PRDM10: variants seen among roughly 807,000 people sequenced by gnomAD.
PRDM10 encodes PR domain zinc finger protein 10.
Under a neutral mutation model 133.1 loss-of-function variants are expected in PRDM10, and 65 were observed. The observed-to-expected ratio is 0.49, with a 90% CI of 0.40 to 0.60. The LOEUF (loss-of-function observed/expected upper bound fraction) is 0.60. Among genes scored for constraint, PRDM10 ranks in the 20% least tolerant of loss-of-function variants. The pLI, the probability that PRDM10 is intolerant of heterozygous loss-of-function variation, is 0.00. For synonymous variants in PRDM10, 582 were observed against 580.4 expected (o/e 1.00, Z -0.04); for missense variants, 1,137 against 1,507.1 (o/e 0.75, Z 4.07).
Position 129,945,684 on chromosome 11 carries a change from G to A in PRDM10, c.521-672C>T, listed in dbSNP as rs1329911284. ...GGCCACACGCCCTGCCTCTTTGCCA[G>A]GAGCACCCACCTGTAAGCTAACCGC... On this transcript the variant is annotated intron_variant, in intron 5 of 20. Transcript: ENST00000360871. This position sits in a 1 kb window ranked among gnomAD's most constrained non-coding sequence, Gnocchi z 4.2. 2.6e-5 allele frequency among the ~76,000 whole-genome samples: 4 copies of A among 152,266 alleles called. No individual in the cohort carries two copies. The highest frequency in any genetic ancestry group is 2.1e-4 in the South Asian group (1 of 4,826).
chr11:129,956,854 T>C (rs1451248675), intron 3 of PRDM10, among the ~76,000 whole-genome samples: 1 of 152,182 alleles, frequency 6.6e-6, no homozygotes, highest in East Asian at 1.9e-4. Flanking sequence ...ACTATAAAAG[T>C]ATGGAATTTA....
chr11:129,947,064 C>G lies in PRDM10; in HGVS notation c.520+81G>C. The G allele has an allele frequency of 1.3e-6, 2 of 1,550,958 alleles. No individual in the cohort carries two copies. Among genetic ancestry groups the G allele is most frequent in the Non-Finnish European group, 1.7e-6 (2 of 1,143,552 alleles). On this transcript the variant is annotated intron_variant, in intron 5 of 20. Transcript: ENST00000360871. This position sits in a 1 kb window ranked among gnomAD's most constrained non-coding sequence, Gnocchi z 4.6. ...CACGGAAGGACCTGACGCACGGGAG[C>G]TATGTTCACACACACGCACACGTAC...
rs569985335 is a variant in PRDM10, at chr11:129,921,673, A to C, written c.2034+1575T>G. ...TGCTGGGTCAACTTGGCTAAGGGGA[A>C]CTACATTTGAAGGGAGTCTTCTTCC... On this transcript the variant is annotated intron_variant, in intron 13 of 20. Coordinates refer to ENST00000360871, the MANE Select transcript of PRDM10 (RefSeq NM_199437.2). Among the ~76,000 whole-genome samples the C allele has an allele frequency of 1.4e-4, 21 of 152,346 alleles. No individual in the cohort carries two copies. The East Asian group carries it at 3.9e-3, about 28-fold the overall frequency.
intron 10 of PRDM10, 73 bp downstream of exon 10, chr11:129,932,029 T>C (rs940563721): frequency 6.5e-6 from 10 of 1,527,500 alleles, no homozygotes; most frequent in Non-Finnish European, 6.2e-6. Flanking sequence ...GTCTTTGTAC[T>C]TAGGTCTCGT....
chr11:129,937,173 C>T (rs1016061076), intron 8 of PRDM10, among the ~76,000 whole-genome samples: 2 of 152,206 alleles, frequency 1.3e-5, no homozygotes, highest in African/African-American at 4.8e-5. Flanking sequence ...GTTTCTTGAT[C>T]TGGGTGCAGG....
chr11:129,918,471 G>A lies in PRDM10; in HGVS notation c.2214+68C>T, dbSNP rs952073038. The A allele has an allele frequency of 3.3e-5, 50 of 1,526,862 alleles. No homozygotes were observed. The highest frequency in any genetic ancestry group is 4.3e-5 in the Non-Finnish European group (48 of 1,128,212). 94.6% of individuals were successfully genotyped at this position (1,526,862 alleles called of 1,614,324 possible). On this transcript the variant is annotated intron_variant, in intron 14 of 20. Transcript: ENST00000360871. This position sits in a 1 kb window ranked among gnomAD's most constrained non-coding sequence, Gnocchi z 5.3. ...ACTTAGGACACAATGCAACACAAAC[G>A]TCACCATCATCGACAGCAATGAGGT... is the stretch of plus-strand genomic sequence containing the variant.
Position 129,918,287 on chromosome 11 carries a change from T to TAA in PRDM10, c.2214+250_2214+251dup, listed in dbSNP as rs34931476. Among the ~76,000 whole-genome samples the TAA allele has an allele frequency of 4.6e-5, 6 of 131,328 alleles. No homozygotes were observed. Among genetic ancestry groups the TAA allele is most frequent in the Admixed American group, 1.5e-4 (2 of 13,180 alleles). 86.2% of individuals were successfully genotyped at this position (131,328 alleles called of 152,430 possible). A position where few individuals can be genotyped will look rare whatever the true frequency, so the allele number is the denominator to read the frequency against. On this transcript the variant is annotated intron_variant, in intron 14 of 20. Coordinates refer to ENST00000360871, the MANE Select transcript of PRDM10 (RefSeq NM_199437.2). This position sits in a 1 kb window ranked among gnomAD's most constrained non-coding sequence, Gnocchi z 5.3. ...AACAAAAGTAGTAATGAAAAGTGAT[T>TAA]AAAAAAAAAAAAAGAAAAAGAAAAA... is the stretch of plus-strand genomic sequence containing the variant.
In PRDM10 at chr11:129,925,022, C is replaced by G; in HGVS notation, c.1738G>C (p.Asp580His). The change falls in exon 12 of 21, where the codon GAC becomes CAC. Residue 580 changes from aspartate (D) to histidine (H), a missense_variant. Transcript: ENST00000360871. ...SLESHMKLHS[D>H]QKTYSCIFCP... ...AAAATGCAAGAGTAAGTCTTCTGGTCTGAGTGGAGCTTCATGTGGCTCTCC... is the reference window on the plus strand; with the variant it reads ...AAAATGCAAGAGTAAGTCTTCTGGTGTGAGTGGAGCTTCATGTGGCTCTCC... 3.1e-6 allele frequency: 5 copies of G among 1,614,180 alleles called. No homozygotes were observed. The highest frequency in any genetic ancestry group is 4.2e-6 in the Non-Finnish European group (5 of 1,180,032).
intron 1 of PRDM10, among the ~76,000 whole-genome samples, chr11:129,980,840 C>G (rs1591689216): frequency 6.9e-6 from 1 of 144,158 alleles, no homozygotes; most frequent in South Asian, 2.2e-4. Flanking sequence ...GGAGAGATAG[C>G]TAAAGGGTAT....
At chr11:129,941,356 G>C (rs1951198280) in intron 7 of PRDM10, among the ~76,000 whole-genome samples, 1 of 152,022 alleles carries the variant, frequency 6.6e-6, no homozygotes. Context: ...ATGTCATCAA[G>C]AATTATTATT....
rs1365041829 is a variant in PRDM10, at chr11:129,931,070, C to A, written c.1476G>T (p.Val492=). Residue 492 remains valine (V), a synonymous_variant, in exon 11 of 21, where the codon GTG becomes GTT. Coordinates refer to ENST00000360871, the MANE Select transcript of PRDM10 (RefSeq NM_199437.2). ...HLQPQHEESV[V]PTQSTLTADD... is the part of the protein sequence containing the mutation. ...CGGCTGTCAGCGTGCTCTGGGTGGGCACCACGCTCTCTTCATGCTGCGGCT... is the reference window on the plus strand; with the variant it reads ...CGGCTGTCAGCGTGCTCTGGGTGGGAACCACGCTCTCTTCATGCTGCGGCT... 6.2e-7 allele frequency: 1 copy of A among 1,614,080 alleles called. No homozygotes were observed. The highest frequency in any genetic ancestry group is 8.5e-7 in the Non-Finnish European group (1 of 1,180,048).
intron 1 of PRDM10, among the ~76,000 whole-genome samples, chr11:129,993,641 C>T (rs1271450535): frequency 2.0e-5 from 3 of 152,094 alleles, no homozygotes; most frequent in Admixed American, 1.3e-4. Context: ...CCCGCCACCA[C>T]ACCTGGCTAA....
At chr11:129,977,291 CACACACACAT>C (rs1937819393) in intron 1 of PRDM10, among the ~76,000 whole-genome samples, 1 of 149,442 alleles carries the variant, frequency 6.7e-6, no homozygotes, top group East Asian at 1.9e-4. Context: ...CACACACACA[CACACACACAT>C]TGAGATGCAG....
chr11:129,958,414 G>A (rs536547953), intron 2 of PRDM10, among the ~76,000 whole-genome samples: 4 of 152,158 alleles, frequency 2.6e-5, no homozygotes, highest in Non-Finnish European at 5.9e-5. Context: ...GGCCGAGGCA[G>A]GTGGATTACC....
intron 11 of PRDM10, among the ~76,000 whole-genome samples, chr11:129,930,528 C>T (rs975500625): frequency 6.6e-6 from 1 of 152,166 alleles, no homozygotes; most frequent in African/African-American, 2.4e-5. Flanking sequence ...GGTGTGTGAA[C>T]TGTACCTGCC....
chr11:129,962,535 C>T (rs1284469220), intron 1 of PRDM10, among the ~76,000 whole-genome samples: 1 of 152,182 alleles, frequency 6.6e-6, no homozygotes, highest in African/African-American at 2.4e-5. Flanking sequence ...TGAAAGAATG[C>T]CACGTCCACC....
intron 8 of PRDM10, among the ~76,000 whole-genome samples, chr11:129,936,682 GTTCTGTGAGTCA>G (rs1406252994): frequency 6.6e-6 from 1 of 152,044 alleles, no homozygotes; most frequent in Non-Finnish European, 1.5e-5. Flanking sequence ...GCTTTTCCGA[GTTCTGTGAGTCA>G]TTCTTGTGAA....
rs201419683 is a variant in PRDM10 at position 129,942,636 on chromosome 11, G to C, written c.763-7C>G. On this transcript the variant is annotated splice_region_variant and splice_polypyrimidine_tract_variant and intron_variant, in intron 6 of 20. Coordinates refer to ENST00000360871, the MANE Select transcript of PRDM10 (RefSeq NM_199437.2). The stretch of plus-strand genomic sequence containing the variant: ...CCCCTTTATCAAGAGAAACCTGCAC[G>C]AAAAAAAAGCCACACCAAAAACAAA... 6.4e-7 allele frequency: 1 copy of C among 1,570,750 alleles called. No homozygotes were observed. Among genetic ancestry groups the C allele is most frequent in the Non-Finnish European group, 8.6e-7 (1 of 1,159,416 alleles).
intron 12 of PRDM10, 73 bp downstream of exon 12, chr11:129,924,809 C>T: frequency 2.2e-6 from 3 of 1,345,120 alleles, no homozygotes; most frequent in East Asian, 2.3e-5. Context: ...TAGGCAGTCT[C>T]GGTTTTCCAA....
Sources: gnomAD v4.1 joint callset for allele counts (sites outside exome capture counted in the v4.1 genomes callset) on GRCh38, gnomAD v4.1.1 for gene constraint, Gnocchi (gnomAD v3.1) non-coding constraint, MANE v1.5 for transcripts, NCBI Gene and HGNC (gene_info 2026-07-23, HGNC 2026-07-21) for gene names.